GRID1: variants seen among roughly 807,000 people sequenced by gnomAD.
GRID1 encodes glutamate receptor ionotropic, delta-1.
Under a neutral mutation model 98.0 loss-of-function variants are expected in GRID1, and 28 were observed. The ratio of observed to expected loss-of-function variants is 0.29; its 90% CI spans 0.21 to 0.39. The LOEUF is 0.39. Among genes scored for constraint, GRID1 ranks in the 10% least tolerant of loss-of-function variants. GRID1 has a pLI of 1.00. For synonymous variants in GRID1, 553 were observed against 538.5 expected, an observed-to-expected ratio of 1.03 and a Z score of -0.37; for missense variants, 1,111 against 1,340.5, an observed-to-expected ratio of 0.83 and a Z score of 2.67.
Position 85,647,351 on chromosome 10 carries a change from C to G in GRID1, c.2044G>C (p.Val682Leu). 6.2e-7 allele frequency: 1 copy of G among 1,614,226 alleles called. No individual in the cohort carries two copies. The change falls in exon 13 of 16, where the codon GTC becomes CTC. Residue 682 changes from valine (V) to leucine (L), a missense_variant. Physicochemically the swap from Val to Leu is conservative, Grantham distance 32. Around this residue, in one of 3 missense-constraint regions of GRID1, gnomAD observed 762 missense variants for 869.1 expected, o/e 0.88. Transcript: ENST00000327946. ...TACTCATATACAGCAGAATCCCGGA[C>G]AGTGCCATAAGACATTTCCACTTGT... is the stretch of plus-strand genomic sequence containing the variant. ...SKQVEMSYGT[V>L]RDSAVYEYFR...
At chr10:85,675,099 T>C (rs998668981) in intron 12 of GRID1, among the ~76,000 whole-genome samples, 1 of 152,152 alleles carries the variant, frequency 6.6e-6, no homozygotes, top group African/African-American at 2.4e-5. Context: ...GGAAAACATT[T>C]CCTCTTAGGA....
At chr10:86,306,930 G>C (rs1026632325) in intron 2 of GRID1, among the ~76,000 whole-genome samples, 1 of 152,194 alleles carries the variant, frequency 6.6e-6, no homozygotes, top group Non-Finnish European at 1.5e-5. Context: ...AATATCTATA[G>C]TTTGGTTAGT....
intron 3 of GRID1, among the ~76,000 whole-genome samples, chr10:86,167,395 C>T (rs1367172771): frequency 6.6e-6 from 1 of 152,178 alleles, no homozygotes; most frequent in Non-Finnish European, 1.5e-5. Context: ...AGAATATGTG[C>T]TTGCCCACTC....
rs575417923 is a variant in GRID1 at position 85,914,650 on chromosome 10, G to A, written c.780+1536C>T. Among the ~76,000 whole-genome samples, 5 of 152,300 alleles carry A rather than the reference G, an allele frequency of 3.3e-5. 1 individual carries two copies. In the South Asian group the frequency reaches 8.3e-4, roughly 25 times the overall value. ...AATCTACGAAAAGTGGACTTTGCAAGTAGTTACAATCTGATACTACCTGCA... is the reference window on the plus strand; with the variant it reads ...AATCTACGAAAAGTGGACTTTGCAAATAGTTACAATCTGATACTACCTGCA... On this transcript the variant is annotated intron_variant, in intron 5 of 15. Coordinates refer to ENST00000327946, the MANE Select transcript of GRID1 (RefSeq NM_017551.3).
At chr10:86,237,981 C>A (rs1042029134) in intron 2 of GRID1, among the ~76,000 whole-genome samples, 1 of 152,076 alleles carries the variant, frequency 6.6e-6, no homozygotes, top group African/African-American at 2.4e-5. Context: ...AATGTAGAAG[C>A]GACTTTGGAA....
chr10:85,602,213 T>C lies in GRID1; in HGVS notation c.*60A>G, dbSNP rs1386385358. The C allele has an allele frequency of 5.1e-6, 5 of 988,690 alleles. No individual in the cohort carries two copies. Among genetic ancestry groups the C allele is most frequent in the South Asian group, 1.7e-5 (1 of 57,788 alleles). The allele number at this position is 988,690 out of a possible 1,614,324, so 61.2% of individuals were successfully genotyped here. A position where few individuals can be genotyped will look rare whatever the true frequency, so the allele number is the denominator to read the frequency against. The stretch of plus-strand genomic sequence containing the variant: ...TGTGGTTTGTGTTGTTGTTTTCTTG[T>C]ATTAAAAAGCTCTGCTGGTCGGGTG... On this transcript the variant is annotated 3_prime_UTR_variant, in exon 16 of 16. Transcript: ENST00000327946.
At chr10:85,971,259 T>C (rs1208296302) in intron 4 of GRID1, among the ~76,000 whole-genome samples, 2 of 152,038 alleles carry the variant, frequency 1.3e-5, no homozygotes, top group African/African-American at 4.8e-5. Flanking sequence ...TATAGGAAGA[T>C]AGCTTCCTTG....
intron 4 of GRID1, among the ~76,000 whole-genome samples, chr10:86,134,607 C>T (rs192511126): frequency 6.6e-6 from 1 of 152,304 alleles, no homozygotes; most frequent in East Asian, 1.9e-4. Context: ...GCCCTCCCTG[C>T]TGACATCCCA....
At chr10:86,234,250 G>C (rs1846501028) in intron 2 of GRID1, among the ~76,000 whole-genome samples, 1 of 152,192 alleles carries the variant, frequency 6.6e-6, no homozygotes, top group Non-Finnish European at 1.5e-5. Flanking sequence ...CCTAGAAAGA[G>C]AGAAGTGGCC....
intron 15 of GRID1, chr10:85,606,620 G>C (rs1439611401): frequency 6.6e-6 from 1 of 152,176 alleles, no homozygotes; most frequent in Non-Finnish European, 1.5e-5. Context: ...AGGTGCGCAG[G>C]ACAGACCGCC....
chr10:85,698,929 C>T (rs541541116), intron 12 of GRID1, among the ~76,000 whole-genome samples: 2 of 152,236 alleles, frequency 1.3e-5, no homozygotes, highest in South Asian at 2.1e-4. Flanking sequence ...GTTTGTTTGC[C>T]ATCTGTAAAT....
chr10:85,998,479 G>A (rs1842766296), intron 4 of GRID1, among the ~76,000 whole-genome samples: 1 of 152,018 alleles, frequency 6.6e-6, no homozygotes, highest in Non-Finnish European at 1.5e-5. Flanking sequence ...TGAGACACAG[G>A]TAAACCAGTG....
chr10:85,890,674 T>A (rs979509857), intron 5 of GRID1, among the ~76,000 whole-genome samples: 1 of 152,076 alleles, frequency 6.6e-6, no homozygotes, highest in African/African-American at 2.4e-5. Flanking sequence ...GGTAAATGTC[T>A]CCTGTTGTGC....
chr10:85,900,855 A>G (rs374557149), intron 5 of GRID1, among the ~76,000 whole-genome samples: 4 of 152,226 alleles, frequency 2.6e-5, no homozygotes, highest in African/African-American at 7.2e-5. Context: ...GTTACATATC[A>G]TGGGAGGGAG....
intron 2 of GRID1, among the ~76,000 whole-genome samples, chr10:86,212,205 C>T (rs1019330842): frequency 3.3e-5 from 5 of 152,204 alleles, no homozygotes; most frequent in African/African-American, 9.7e-5. Context: ...CCCCCAGTCA[C>T]GACACTGGCC....
intron 4 of GRID1, among the ~76,000 whole-genome samples, chr10:85,959,014 C>T (rs1022601553): frequency 1.8e-4 from 27 of 151,836 alleles, no homozygotes; most frequent in African/African-American, 5.8e-4. Flanking sequence ...GCTGAGGAAG[C>T]GGGAACTTTG....
intron 2 of GRID1, among the ~76,000 whole-genome samples, chr10:86,241,663 T>G (rs1260492170): frequency 6.6e-6 from 1 of 152,274 alleles, no homozygotes; most frequent in African/African-American, 2.4e-5. Context: ...ATCTTTAATT[T>G]TCTCATCAGT....
chr10:86,119,160 C>A (rs1367081969), intron 4 of GRID1, among the ~76,000 whole-genome samples: 1 of 152,048 alleles, frequency 6.6e-6, no homozygotes, highest in African/African-American at 2.4e-5. Flanking sequence ...CATGGAAAAA[C>A]CCTGTCTCTA....
intron 3 of GRID1, among the ~76,000 whole-genome samples, chr10:86,197,341 G>A (rs1281960686): frequency 6.6e-6 from 1 of 152,096 alleles, no homozygotes; most frequent in Non-Finnish European, 1.5e-5. Flanking sequence ...GAGCAGCAAG[G>A]AGCCGGAGCT....
Sources: allele counts gnomAD v4.1 joint callset (sites outside exome capture counted in the v4.1 genomes callset), GRCh38; gene constraint gnomAD v4.1.1; regional missense constraint gnomAD v4.1.1; transcripts MANE v1.5; gene names NCBI Gene and HGNC (gene_info 2026-07-23, HGNC 2026-07-21).